Variants in COX7B2 observed in about 807,000 individuals in gnomAD.
The protein encoded by COX7B2 is cytochrome c oxidase subunit 7B2.
For missense variants in COX7B2, 109 were observed against 95.9 expected, an observed-to-expected ratio of 1.14 and a Z score of -0.57; for synonymous variants, 37 against 32.1, an observed-to-expected ratio of 1.15 and a Z score of -0.51.
intron 1 of COX7B2, among the ~76,000 whole-genome samples, chr4:46,882,848 CA>C (rs1431781259): frequency 2.0e-5 from 3 of 152,058 alleles, no homozygotes; most frequent in Non-Finnish European, 4.4e-5. Context: ...ATTTGTAAGA[CA>C]AAATGAGTCC....
intron 1 of COX7B2, among the ~76,000 whole-genome samples, chr4:46,892,039 G>A (rs1391468614): frequency 6.6e-6 from 1 of 152,104 alleles, no homozygotes; most frequent in Non-Finnish European, 1.5e-5. Context: ...GGACTCTACT[G>A]GAGTACAACC....
intron 1 of COX7B2, among the ~76,000 whole-genome samples, chr4:46,879,919 G>A (rs1037437164): frequency 2.0e-5 from 3 of 152,068 alleles, no homozygotes; most frequent in Non-Finnish European, 4.4e-5. Flanking sequence ...TTTTTCCTCT[G>A]TAGAGAGATA....
intron 2 of COX7B2, among the ~76,000 whole-genome samples, chr4:46,759,341 T>A (rs929245612): frequency 4.6e-5 from 7 of 151,994 alleles, no homozygotes; most frequent in Non-Finnish European, 1.0e-4. Context: ...TTTTTTCTAA[T>A]CTTAAAATAT....
intron 1 of COX7B2, among the ~76,000 whole-genome samples, chr4:46,907,847 A>ATTTT (rs1308450950): frequency 3.3e-4 from 22 of 67,192 alleles, no homozygotes; most frequent in East Asian, 1.3e-3. Flanking sequence ...ATTTGAGCAG[A>ATTTT]CTTTTTTTTT....
At chr4:46,804,409 C>T (rs554151545) in intron 2 of COX7B2, among the ~76,000 whole-genome samples, 41 of 152,066 alleles carry the variant, frequency 2.7e-4, no homozygotes, top group Admixed American at 2.6e-4. Context: ...TACAAAGAGC[C>T]GATTGGTCTG....
chr4:46,908,237 T>C (rs916899955), intron 1 of COX7B2, among the ~76,000 whole-genome samples: 4 of 152,114 alleles, frequency 2.6e-5, no homozygotes, highest in Admixed American at 6.5e-5. Flanking sequence ...TAGAACCACT[T>C]TGAGATCTGT....
intron 2 of COX7B2, among the ~76,000 whole-genome samples, chr4:46,794,240 G>C (rs1313285429): frequency 6.6e-6 from 1 of 152,170 alleles, no homozygotes; most frequent in Non-Finnish European, 1.5e-5. Flanking sequence ...GAAGAAACAA[G>C]TTGGATTAGG....
chr4:46,870,950 T>G (rs1360692137), intron 1 of COX7B2, among the ~76,000 whole-genome samples: 1 of 151,670 alleles, frequency 6.6e-6, no homozygotes, highest in Non-Finnish European at 1.5e-5. Flanking sequence ...CCTATCAAAC[T>G]ATCAATGACA....
At chr4:46,862,249 T>A (rs55809140) in intron 1 of COX7B2, among the ~76,000 whole-genome samples, 3 of 152,030 alleles carry the variant, frequency 2.0e-5, no homozygotes, top group Non-Finnish European at 2.9e-5. Context: ...TCTATAGCTT[T>A]CCTTGGCTTA....
chr4:46,745,520 C>G (rs1463048482), intron 2 of COX7B2, among the ~76,000 whole-genome samples: 2 of 152,092 alleles, frequency 1.3e-5, no homozygotes, highest in African/African-American at 4.8e-5. Context: ...GTAAAAATAA[C>G]TTTTAACAAG....
rs549023526 is a variant in COX7B2 at position 46,769,949 on chromosome 4, G to A, written c.-49-34708C>T. 2.6e-5 allele frequency among the ~76,000 whole-genome samples: 4 copies of A among 152,230 alleles called. No homozygotes were observed. In the South Asian group the frequency reaches 8.3e-4, roughly 32 times the overall value. ...CCTTTAAGATGAGGAACAAGATCAG[G>A]ATGCCCACTCTTGCCATTTCTATCC... On this transcript the variant is annotated intron_variant, in intron 2 of 2. Transcript: ENST00000355591.
chr4:46,737,187 A>G (rs1490643025), intron 2 of COX7B2, among the ~76,000 whole-genome samples: 3 of 152,104 alleles, frequency 2.0e-5, no homozygotes, highest in Non-Finnish European at 4.4e-5. Flanking sequence ...CCCTGATGAC[A>G]TATAATGTCC....
chr4:46,759,082 G>A (rs1434132137), intron 2 of COX7B2, among the ~76,000 whole-genome samples: 2 of 152,060 alleles, frequency 1.3e-5, no homozygotes, highest in Non-Finnish European at 2.9e-5. Context: ...AATATAGTTT[G>A]CAGAGATTCT....
At chr4:46,867,118 A>G (rs1404148865) in intron 1 of COX7B2, among the ~76,000 whole-genome samples, 1 of 152,188 alleles carries the variant, frequency 6.6e-6, no homozygotes, top group Non-Finnish European at 1.5e-5. Context: ...TGTTGTCACA[A>G]GGCTTCCAAT....
chr4:46,740,773 A>G (rs1714659371), intron 2 of COX7B2, among the ~76,000 whole-genome samples: 1 of 152,130 alleles, frequency 6.6e-6, no homozygotes, highest in African/African-American at 2.4e-5. Flanking sequence ...TATAAATAAA[A>G]TAAAAATCAG....
chr4:46,818,655 G>T (rs1402366554), intron 2 of COX7B2, among the ~76,000 whole-genome samples: 5 of 149,976 alleles, frequency 3.3e-5, no homozygotes, highest in Non-Finnish European at 7.4e-5. Context: ...AAAAAAGAAA[G>T]AAAGAAAACA....
intron 1 of COX7B2, 55 bp downstream of exon 1, chr4:46,909,105 A>C (rs1307595875): frequency 6.6e-6 from 1 of 152,128 alleles, no homozygotes; most frequent in Non-Finnish European, 1.5e-5. Context: ...AATGAAGACC[A>C]TGTCTTATAA....
intron 1 of COX7B2, among the ~76,000 whole-genome samples, chr4:46,891,502 A>C (rs188860209): frequency 6.6e-6 from 1 of 152,196 alleles, no homozygotes; most frequent in African/African-American, 2.4e-5. Context: ...CCAAAAGTCA[A>C]CTGAAAAAAC....
At chr4:46,875,452 T>A (rs1718261626) in intron 1 of COX7B2, among the ~76,000 whole-genome samples, 1 of 152,142 alleles carries the variant, frequency 6.6e-6, no homozygotes, top group Non-Finnish European at 1.5e-5. Context: ...ATAGCTCAAT[T>A]CTGAACAATT....
Sources: gnomAD v4.1 joint callset for allele counts (sites outside exome capture counted in the v4.1 genomes callset) on GRCh38, gnomAD v4.1.1 for gene constraint, MANE v1.5 for transcripts, NCBI Gene and HGNC (gene_info 2026-07-23, HGNC 2026-07-21) for gene names.